The following CDH13 variants were observed in gnomAD, a reference collection of about 807,000 sequenced individuals.
The protein encoded by CDH13 is cadherin 13, also known as cadherin-13.
Under a neutral mutation model 63.8 loss-of-function variants are expected in CDH13, and 24 were observed. The observed-to-expected ratio is 0.38, with a 90% CI of 0.27 to 0.53. CDH13 has a LOEUF of 0.53. Ranked by LOEUF, CDH13 falls within the 20% of genes least tolerant of loss-of-function variation. CDH13 has a pLI of 0.85. For synonymous variants in CDH13, 503 were observed against 355.3 expected, an observed-to-expected ratio of 1.42 and a Z score of -4.67; for missense variants, 1,049 against 903.1, an observed-to-expected ratio of 1.16 and a Z score of -2.07.
intron 9 of CDH13, among the ~76,000 whole-genome samples, chr16:83,676,389 C>A (rs780898309): frequency 6.6e-6 from 1 of 152,160 alleles, no homozygotes; most frequent in African/African-American, 2.4e-5. Context: ...CCACCCTCAG[C>A]GTCGTCATGG....
At chr16:83,075,084 G>T (rs570942340) in intron 3 of CDH13, among the ~76,000 whole-genome samples, 36 of 152,228 alleles carry the variant, frequency 2.4e-4, no homozygotes, top group African/African-American at 8.7e-4. Context: ...GACCCTTAAT[G>T]GACAATTCTG....
At chr16:83,620,810 C>A (rs964148279) in intron 8 of CDH13, among the ~76,000 whole-genome samples, 10 of 152,140 alleles carry the variant, frequency 6.6e-5, no homozygotes, top group African/African-American at 2.4e-4. Context: ...CTCAAAGAGA[C>A]GTCTCTCCTT....
chr16:83,301,094 C>T (rs1224712740), intron 5 of CDH13, among the ~76,000 whole-genome samples: 2 of 122,578 alleles, frequency 1.6e-5, no homozygotes, highest in African/African-American at 3.1e-5. Context: ...TGCAGTGGCA[C>T]GATCTCAGCT....
intron 10 of CDH13, chr16:83,735,865 C>T (rs955137436): frequency 3.3e-5 from 5 of 152,100 alleles, no homozygotes; most frequent in Non-Finnish European, 7.4e-5. Flanking sequence ...AAATGGAATA[C>T]TGGGGTGATG....
intron 2 of CDH13, among the ~76,000 whole-genome samples, chr16:82,904,946 C>G (rs2041593834): frequency 6.6e-6 from 1 of 152,156 alleles, no homozygotes; most frequent in South Asian, 2.1e-4. Flanking sequence ...CCTAAATGAA[C>G]CCAGGTTTCT....
At chr16:82,655,409 T>C (rs546031370) in intron 1 of CDH13, among the ~76,000 whole-genome samples, 2 of 152,084 alleles carry the variant, frequency 1.3e-5, no homozygotes, top group Non-Finnish European at 1.5e-5. Flanking sequence ...GAGATGGCCA[T>C]GTGGATCTCA....
intron 6 of CDH13, among the ~76,000 whole-genome samples, chr16:83,413,313 C>T (rs1355179650): frequency 6.6e-6 from 1 of 152,124 alleles, no homozygotes; most frequent in African/African-American, 2.4e-5. Context: ...TTTAAAGCAG[C>T]ACATAAGAGT....
At chr16:83,681,748 C>T (rs1822450801) in intron 10 of CDH13, among the ~76,000 whole-genome samples, 1 of 152,180 alleles carries the variant, frequency 6.6e-6, no homozygotes, top group African/African-American at 2.4e-5. Context: ...GAGAAGTGCT[C>T]TCCCTTGGGG....
chr16:83,135,793 G>T (rs1334139638), intron 4 of CDH13, among the ~76,000 whole-genome samples: 1 of 152,142 alleles, frequency 6.6e-6, no homozygotes, highest in East Asian at 1.9e-4. Context: ...TCCACAAGTG[G>T]ATAAAGAAAC....
chr16:83,716,905 C>G (rs1344605766), intron 10 of CDH13: 1 of 152,124 alleles, frequency 6.6e-6, no homozygotes, highest in Non-Finnish European at 1.5e-5. Context: ...CTGTAAAACT[C>G]TTTAAGACCC....
intron 6 of CDH13, among the ~76,000 whole-genome samples, chr16:83,371,598 C>T (rs1183524759): frequency 1.3e-5 from 2 of 152,102 alleles, no homozygotes; most frequent in African/African-American, 2.4e-5. Flanking sequence ...GGTACGTTTC[C>T]ATAATTTAAA....
At chr16:83,003,007 T>TTTA (rs1308781933) in intron 2 of CDH13, among the ~76,000 whole-genome samples, 1 of 152,216 alleles carries the variant, frequency 6.6e-6, no homozygotes, top group Admixed American at 6.5e-5. Flanking sequence ...AAATTCCCAC[T>TTTA]TTAAAGAGGA....
At chr16:82,809,570 C>G (rs567656870) in intron 1 of CDH13, among the ~76,000 whole-genome samples, 27 of 152,168 alleles carry the variant, frequency 1.8e-4, no homozygotes, top group Middle Eastern at 3.4e-3. Flanking sequence ...GAGTTTACAG[C>G]CATTATATCT....
intron 1 of CDH13, among the ~76,000 whole-genome samples, chr16:82,661,283 C>T (rs761390949): frequency 1.3e-5 from 2 of 152,230 alleles, no homozygotes; most frequent in African/African-American, 2.4e-5. Flanking sequence ...TAGCTCTGAT[C>T]ACAGCTTAAT....
At chr16:83,750,986 A>G (rs1449672482) in intron 11 of CDH13, among the ~76,000 whole-genome samples, 2 of 152,098 alleles carry the variant, frequency 1.3e-5, no homozygotes, top group Non-Finnish European at 2.9e-5. Flanking sequence ...TAAAAAAAAA[A>G]AAAAACAGGT....
chr16:83,390,249 G>C (rs1323922115), intron 6 of CDH13, among the ~76,000 whole-genome samples: 1 of 152,154 alleles, frequency 6.6e-6, no homozygotes, highest in Non-Finnish European at 1.5e-5. Flanking sequence ...GTGGCTCAGA[G>C]GTACCAGTGC....
rs16958621 is a variant in CDH13, at chr16:82,783,059, A to G, written c.46-75303A>G. ...CCCCATGGAGTTTAAATAGATTGGA[A>G]GCAAATGCTTGTTGACAACAGGTGT... On this transcript the variant is annotated intron_variant, in intron 1 of 13. Coordinates refer to ENST00000567109, the MANE Select transcript of CDH13 (RefSeq NM_001257.5). Among the ~76,000 whole-genome samples the G allele has an allele frequency of 2.9e-3, 446 of 152,338 alleles. 1 individual carries two copies. The highest frequency in any genetic ancestry group is 0.01 in the African/African-American group (423 of 41,578).
At chr16:83,710,564 G>C (rs982693663) in intron 10 of CDH13, 1 of 146,712 alleles carries the variant, frequency 6.8e-6, no homozygotes, top group African/African-American at 2.6e-5. Context: ...AAAAAAAAAA[G>C]AGTGTTGCGG....
chr16:83,033,983 G>C (rs1349814942), intron 3 of CDH13, among the ~76,000 whole-genome samples: 1 of 152,068 alleles, frequency 6.6e-6, no homozygotes, highest in African/African-American at 2.4e-5. Flanking sequence ...ATTTTGTTCA[G>C]TGGTGGAGCG....
Sources: gnomAD v4.1 joint callset for allele counts (sites outside exome capture counted in the v4.1 genomes callset) on GRCh38, gnomAD v4.1.1 for gene constraint, MANE v1.5 for transcripts, NCBI Gene and HGNC (gene_info 2026-07-23, HGNC 2026-07-21) for gene names.